The following ACBD6 variants were observed in gnomAD, a reference collection of about 807,000 sequenced individuals.
The protein encoded by ACBD6 is acyl-CoA binding domain containing 6, also known as acyl-CoA-binding domain-containing protein 6.
In ACBD6, 28 loss-of-function variants were observed where a neutral mutation model predicts 37.2. The observed-to-expected ratio is 0.75, with a 90% CI of 0.56 to 1.03. The LOEUF (loss-of-function observed/expected upper bound fraction) is 1.03, where lower values mean the gene tolerates loss of function less well. Ranked by LOEUF, ACBD6 falls within the 50% of genes least tolerant of loss-of-function variation. The pLI, the probability that ACBD6 is intolerant of heterozygous loss-of-function variation, is 0.00. For synonymous variants in ACBD6, 113 were observed against 126.8 expected, an observed-to-expected ratio of 0.89 and a Z score of 0.73; for missense variants, 340 against 337.4, an observed-to-expected ratio of 1.01 and a Z score of -0.06.
intron 7 of ACBD6, among the ~76,000 whole-genome samples, chr1:180,290,616 C>T (rs530230991): frequency 2.6e-5 from 4 of 152,194 alleles, no homozygotes; most frequent in Admixed American, 2.6e-4. Flanking sequence ...GGCAGAAATA[C>T]ATACACTGCA....
chr1:180,487,440 G>A (rs1228209374), intron 3 of ACBD6, among the ~76,000 whole-genome samples: 1 of 152,074 alleles, frequency 6.6e-6, no homozygotes, highest in African/African-American at 2.4e-5. Context: ...ATCCCGCCTA[G>A]AACACAAATC....
intron 3 of ACBD6, among the ~76,000 whole-genome samples, chr1:180,482,162 T>C (rs1181171518): frequency 1.3e-5 from 2 of 152,172 alleles, no homozygotes; most frequent in Admixed American, 1.3e-4. Flanking sequence ...ATAAAAATTA[T>C]GACTGCCTTC....
At chr1:180,283,047 C>G (rs1649361365) in intron 8 of ACBD6, among the ~76,000 whole-genome samples, 1 of 135,746 alleles carries the variant, frequency 7.4e-6, no homozygotes, top group Non-Finnish European at 1.5e-5. Flanking sequence ...ATATCCAGGA[C>G]TAAGCTTTGG....
At chr1:180,426,054 C>T (rs1427744163) in intron 4 of ACBD6, among the ~76,000 whole-genome samples, 4 of 152,172 alleles carry the variant, frequency 2.6e-5, no homozygotes, top group Non-Finnish European at 5.9e-5. Context: ...GCTTTTGTGT[C>T]TGACCACAAG....
At chr1:180,321,275 G>A (rs1370218388) in intron 6 of ACBD6, among the ~76,000 whole-genome samples, 1 of 152,090 alleles carries the variant, frequency 6.6e-6, no homozygotes, top group Non-Finnish European at 1.5e-5. Flanking sequence ...GCTATACTGG[G>A]TCTTTTGTAG....
chr1:180,377,888 A>G (rs904181298), intron 6 of ACBD6, among the ~76,000 whole-genome samples: 1 of 151,902 alleles, frequency 6.6e-6, no homozygotes, highest in African/African-American at 2.4e-5. Flanking sequence ...CGGAGGTTGC[A>G]GTGGGCCGTG....
chr1:180,306,048 T>G (rs529127569), intron 7 of ACBD6, among the ~76,000 whole-genome samples: 1 of 129,740 alleles, frequency 7.7e-6, no homozygotes, highest in Non-Finnish European at 1.5e-5. Flanking sequence ...AATTGAACAA[T>G]GAGAACACGT....
intron 5 of ACBD6, among the ~76,000 whole-genome samples, chr1:180,406,251 TA>T (rs1176039070): frequency 6.6e-6 from 1 of 151,826 alleles, no homozygotes. Context: ...AATTTTAGAT[TA>T]AAAAAAATAT....
At chr1:180,394,002 G>C (rs1266138520) in intron 6 of ACBD6, among the ~76,000 whole-genome samples, 1 of 152,192 alleles carries the variant, frequency 6.6e-6, no homozygotes, top group Non-Finnish European at 1.5e-5. Context: ...TAGAACGTAA[G>C]AAATCCGCAA....
intron 5 of ACBD6, among the ~76,000 whole-genome samples, chr1:180,412,109 C>CA (rs57171524): frequency 0.14 from 15,820 of 111,952 alleles, 1,207 homozygotes; most frequent in African/African-American, 0.26. Flanking sequence ...TTCTGAAAGG[C>CA]AAAAAAAAAA....
chr1:180,442,745 C>T (rs1470449149), intron 3 of ACBD6, among the ~76,000 whole-genome samples: 1 of 152,120 alleles, frequency 6.6e-6, no homozygotes, highest in Admixed American at 6.6e-5. Flanking sequence ...GTCTAATCTG[C>T]TGTTAATCAT....
chr1:180,431,509 T>C (rs1648811051), intron 3 of ACBD6, among the ~76,000 whole-genome samples: 3 of 152,192 alleles, frequency 2.0e-5, no homozygotes, highest in Admixed American at 1.3e-4. Context: ...GGATAGATAA[T>C]GTATTTCTTT....
intron 5 of ACBD6, among the ~76,000 whole-genome samples, chr1:180,403,744 T>A (rs1238288075): frequency 6.6e-6 from 1 of 152,170 alleles, no homozygotes; most frequent in East Asian, 1.9e-4. Context: ...TTATTCATCT[T>A]ACAAAGCAAG....
intron 3 of ACBD6, among the ~76,000 whole-genome samples, chr1:180,468,444 C>T (rs756288096): frequency 1.3e-5 from 2 of 152,228 alleles, no homozygotes; most frequent in Non-Finnish European, 2.9e-5. Flanking sequence ...TAGAAGACTG[C>T]TGCCAATTTA....
chr1:180,284,802 G>C (rs938750284), downstream of ACBD6, among the ~76,000 whole-genome samples: 1 of 152,108 alleles, frequency 6.6e-6, no homozygotes, highest in Non-Finnish European at 1.5e-5. Context: ...ACATAGTTCA[G>C]AGAAGCTTTT....
intron 6 of ACBD6, among the ~76,000 whole-genome samples, chr1:180,339,344 T>G (rs576405591): frequency 1.5e-3 from 222 of 152,298 alleles, no homozygotes; most frequent in African/African-American, 5.1e-3. Context: ...TGGAATACTA[T>G]GCAGCCATAA....
At position 180,302,039 on chromosome 1, in the gene ACBD6, T is replaced by TG. The variant is rs570749650; in HGVS notation, c.694+12652dup. Among the ~76,000 whole-genome samples, 69 of 145,510 alleles carry TG rather than the reference T, an allele frequency of 4.7e-4. No individual in the cohort carries two copies. The South Asian group carries it at 7.4e-3, about 16-fold the overall frequency. ...TTTTAACTTTTTATAATAGATTTATTGGGGGGGGAGGGTGGAGGGATAGCA... is the reference window on the plus strand; with the variant it reads ...TTTTAACTTTTTATAATAGATTTATTGGGGGGGGGAGGGTGGAGGGATAGCA... On this transcript the variant is annotated intron_variant, in intron 7 of 7. Coordinates refer to ENST00000367595, the MANE Select transcript of ACBD6 (RefSeq NM_032360.4).
At position 180,444,286 on chromosome 1, in the gene ACBD6, CA is replaced by C. The variant is rs71719682; in HGVS notation, c.385-14025del. Among the ~76,000 whole-genome samples, 433 of 114,676 alleles carry C rather than the reference CA, an allele frequency of 3.8e-3. 2 individuals are homozygous for C. The highest frequency in any genetic ancestry group is 0.025 in the South Asian group (93 of 3,654). 75.2% of individuals were successfully genotyped at this position (114,676 alleles called of 152,430 possible). On this transcript the variant is annotated intron_variant, in intron 3 of 7. Coordinates refer to ENST00000367595, the MANE Select transcript of ACBD6 (RefSeq NM_032360.4). Reference sequence around the variant, plus strand: ...GCGACAGAGTGAGATTCCGTCTCTCCAAAAAAAAAAAAAAGAAAGTACTTTT... The same window carrying C: ...GCGACAGAGTGAGATTCCGTCTCTCCAAAAAAAAAAAAAGAAAGTACTTTT...
chr1:180,404,628 T>G lies in ACBD6; in HGVS notation c.574-7023A>C, dbSNP rs527745041. ...ATGTGCCACCATGCTCAGCTAATTTTTGTATTTTTAGTAGAGATGGGGTTT... is the reference window on the plus strand; with the variant it reads ...ATGTGCCACCATGCTCAGCTAATTTGTGTATTTTTAGTAGAGATGGGGTTT... On this transcript the variant is annotated intron_variant, in intron 5 of 7. Coordinates refer to ENST00000367595, the MANE Select transcript of ACBD6 (RefSeq NM_032360.4). 2.8e-4 allele frequency among the ~76,000 whole-genome samples: 42 copies of G among 152,106 alleles called. 1 individual carries two copies. In the South Asian group the frequency reaches 4.4e-3, roughly 16 times the overall value.
Sources: gnomAD v4.1 joint callset for allele counts (sites outside exome capture counted in the v4.1 genomes callset) on GRCh38, gnomAD v4.1.1 for gene constraint, MANE v1.5 for transcripts, NCBI Gene and HGNC (gene_info 2026-07-23, HGNC 2026-07-21) for gene names.